Variants in RPA1 observed in about 807,000 individuals in gnomAD.
RPA1 encodes the protein replication protein A 70 kDa DNA-binding subunit.
In RPA1, 49 loss-of-function variants were observed where a neutral mutation model predicts 83.0. The observed-to-expected ratio is 0.59, with a 90% CI of 0.47 to 0.75. RPA1 has a LOEUF of 0.75. Among genes scored for constraint, RPA1 ranks in the 30% least tolerant of loss-of-function variants. The probability of loss-of-function intolerance (pLI) is 0.00; values close to 1 mark genes in which losing one functional copy is unlikely to be tolerated. For synonymous variants in RPA1, 279 were observed against 281.8 expected (o/e 0.99, Z 0.10); for missense variants, 693 against 776.1 (o/e 0.89, Z 1.27).
intron 8 of RPA1, 150 bp from the exon 9 acceptor site, chr17:1,878,843 C>G (rs1177570482): frequency 2.9e-6 from 2 of 683,562 alleles, no homozygotes; most frequent in African/African-American, 1.8e-5. Context: ...ATGTCCGTAG[C>G]CCTCTCTGGA....
rs1012919581 is a variant in RPA1, at chr17:1,853,182, T to C, written c.354T>C (p.Tyr118=). Residue 118 remains tyrosine (Y), a synonymous_variant, in exon 5 of 17, where the codon TAT becomes TAC. Transcript: ENST00000254719. ...TGAAGATTGGCAATCCAGTGCCCTA[T>C]AATGAAGGTAAAATGCTTTGGCGTA... ...VGVKIGNPVP[Y]NEGLGQPQVA... is the part of the protein sequence containing the mutation. 2.5e-6 allele frequency: 4 copies of C among 1,613,604 alleles called. No homozygotes were observed. Among genetic ancestry groups the C allele is most frequent in the Non-Finnish European group, 3.4e-6 (4 of 1,179,506 alleles).
At chr17:1,841,757 C>T (rs1181579763) in intron 1 of RPA1, among the ~76,000 whole-genome samples, 3 of 152,014 alleles carry the variant, frequency 2.0e-5, no homozygotes, top group Admixed American at 6.6e-5. Context: ...TGATGGTAAC[C>T]GTAGATTTTT....
In RPA1 at chr17:1,899,557, C is replaced by A. The variant is rs17339416; in HGVS notation, c.*2382C>A. On this transcript the variant is annotated 3_prime_UTR_variant, in exon 17 of 17. Coordinates refer to ENST00000254719, the MANE Select transcript of RPA1 (RefSeq NM_002945.5). ...CCATTAAAACCTTGCTAATCTCTCG[C>A]GTGCTGTTCCTTTTTTGAACTGCAG... 2 of 152,192 alleles carry A rather than the reference C, an allele frequency of 1.3e-5. No homozygotes were observed. The highest frequency in any genetic ancestry group is 2.9e-5 in the Non-Finnish European group (2 of 68,030). 9.4% of individuals were successfully genotyped at this position (152,192 alleles called of 1,614,324 possible). A position where few individuals can be genotyped will look rare whatever the true frequency, so the allele number is the denominator to read the frequency against.
At chr17:1,868,203 T>C (rs899480068) in intron 5 of RPA1, among the ~76,000 whole-genome samples, 4 of 152,196 alleles carry the variant, frequency 2.6e-5, no homozygotes, top group Non-Finnish European at 5.9e-5. Context: ...GGGGATAAGA[T>C]TGCTGTTCAG....
intron 14 of RPA1, among the ~76,000 whole-genome samples, chr17:1,890,444 C>T (rs1914161207): frequency 2.0e-5 from 3 of 152,024 alleles, no homozygotes; most frequent in South Asian, 2.1e-4. Context: ...AGGCGGATCA[C>T]GAGGTCAGGA....
chr17:1,837,071 C>T (rs1439253662), intron 1 of RPA1, among the ~76,000 whole-genome samples: 1 of 151,826 alleles, frequency 6.6e-6, no homozygotes, highest in Non-Finnish European at 1.5e-5. Flanking sequence ...CTCTTGACCT[C>T]GTGATCCACC....
intron 16 of RPA1, 23 bp from the exon 17 acceptor site, chr17:1,897,048 A>C (rs1045111242): frequency 1.9e-6 from 3 of 1,551,758 alleles, no homozygotes; most frequent in Non-Finnish European, 2.6e-6. Flanking sequence ...CACTGCTCAC[A>C]AACTACTTCT....
intron 1 of RPA1, among the ~76,000 whole-genome samples, chr17:1,841,859 T>C (rs903234202): frequency 3.3e-5 from 5 of 152,196 alleles, no homozygotes; most frequent in African/African-American, 9.7e-5. Flanking sequence ...TCCGTATCTA[T>C]TCAGTTGATG....
intron 6 of RPA1, among the ~76,000 whole-genome samples, chr17:1,874,012 A>AT (rs1376858996): frequency 5.3e-4 from 50 of 93,828 alleles, no homozygotes; most frequent in South Asian, 3.4e-3. Flanking sequence ...AAAAAAAAAA[A>AT]ATATATATAT....
At chr17:1,837,333 A>G (rs555645823) in intron 1 of RPA1, among the ~76,000 whole-genome samples, 186 of 152,330 alleles carry the variant, frequency 1.2e-3, no homozygotes, top group African/African-American at 4.2e-3. Flanking sequence ...GCTCAGTAGT[A>G]TTCCATTGTA....
chr17:1,869,741 T>A (rs4239059), intron 5 of RPA1, among the ~76,000 whole-genome samples: 31,463 of 151,994 alleles, frequency 0.21, 3,399 homozygotes, highest in Admixed American at 0.24. Flanking sequence ...TTTAGAAGGA[T>A]TTTTACTTAG....
At chr17:1,893,387 G>A (rs1043460081) in intron 15 of RPA1, among the ~76,000 whole-genome samples, 15 of 152,188 alleles carry the variant, frequency 9.9e-5, no homozygotes, top group African/African-American at 3.1e-4. Context: ...AATGGCAGCC[G>A]GTGTAATTTT....
At chr17:1,835,376 C>CT (rs1420168045) in intron 1 of RPA1, among the ~76,000 whole-genome samples, 2 of 151,644 alleles carry the variant, frequency 1.3e-5, no homozygotes, top group African/African-American at 4.8e-5. Flanking sequence ...AAGCTGGTCT[C>CT]TAACTCTTGG....
Position 1,879,058 on chromosome 17 carries a change from C to G in RPA1, c.756C>G (p.Asn252Lys), listed in dbSNP as rs201066045. 4.2e-5 allele frequency: 68 copies of G among 1,614,052 alleles called. No homozygotes were observed. Among genetic ancestry groups the G allele is most frequent in the Admixed American group, 1.7e-5 (1 of 60,002 alleles). ...AGTTCTTTCCTCTTATTGAAGTGAA[C>G]AAGGTATGGCCGTGCTGACTTTAGA... is the stretch of plus-strand genomic sequence containing the variant. ...VDKFFPLIEV[N>K]KVYYFSKGTL... Residue 252 changes from asparagine to lysine, a missense_variant, in exon 9 of 17, where the codon AAC (asparagine) becomes AAG (lysine). Transcript: ENST00000254719.
rs764217004 is a variant in RPA1, at chr17:1,891,950, A to G, written c.1659+10A>G. The G allele has an allele frequency of 3.2e-6, 5 of 1,550,178 alleles. No individual in the cohort carries two copies. The highest frequency in any genetic ancestry group is 4.4e-6 in the Non-Finnish European group (5 of 1,128,184). On this transcript the variant is annotated intron_variant, in intron 15 of 16. Coordinates refer to ENST00000254719, the MANE Select transcript of RPA1 (RefSeq NM_002945.5). Reference sequence around the variant, plus strand: ...GGAATTAAAAGACAAGGTCAGCCACATATTTTATTATAACTTCTATAACTT... The same window carrying G: ...GGAATTAAAAGACAAGGTCAGCCACGTATTTTATTATAACTTCTATAACTT...
chr17:1,842,722 C>G (rs1912100234), intron 1 of RPA1, 81 bp from the exon 2 acceptor site: 2 of 1,265,540 alleles, frequency 1.6e-6, no homozygotes, highest in East Asian at 2.3e-5. Context: ...TCTATATATT[C>G]CAAATACCAA....
chr17:1,877,437 G>A (rs1913615136), intron 8 of RPA1, 123 bp downstream of exon 8: 3 of 772,834 alleles, frequency 3.9e-6, no homozygotes, highest in Non-Finnish European at 6.5e-6. Flanking sequence ...AGGGCAGTGG[G>A]CTCGCCGAGA....
intron 5 of RPA1, among the ~76,000 whole-genome samples, chr17:1,871,551 T>G (rs1913377230): frequency 6.6e-6 from 1 of 152,208 alleles, no homozygotes; most frequent in Admixed American, 6.5e-5. Flanking sequence ...CAAGTACCCT[T>G]GGTGAGCTGC....
chr17:1,848,002 C>T (rs950042968), intron 4 of RPA1, among the ~76,000 whole-genome samples: 1 of 127,056 alleles, frequency 7.9e-6, no homozygotes, highest in East Asian at 2.1e-4. Context: ...AGAGCAAGAC[C>T]CCATCTCCAA....
Sources: allele counts gnomAD v4.1 joint callset (sites outside exome capture counted in the v4.1 genomes callset), GRCh38; gene constraint gnomAD v4.1.1; transcripts MANE v1.5; gene names NCBI Gene and HGNC (gene_info 2026-07-23, HGNC 2026-07-21).